The following DYNC1I1 variants were observed in gnomAD, a reference collection of about 807,000 sequenced individuals.
DYNC1I1 encodes the protein cytoplasmic dynein 1 intermediate chain 1.
DYNC1I1 carries 43 observed loss-of-function variants against 86.6 expected under a neutral mutation model. That is an observed-to-expected ratio of 0.50 (90% CI 0.39 to 0.64). DYNC1I1 has a LOEUF of 0.64. Among genes scored for constraint, DYNC1I1 ranks in the 30% least tolerant of loss-of-function variants. The pLI is 0.00. For synonymous variants in DYNC1I1, 262 were observed against 283.7 expected (o/e 0.92, Z 0.77); for missense variants, 604 against 788.8 (o/e 0.77, Z 2.81).
At chr7:95,924,401 T>C (rs1184651599) in intron 6 of DYNC1I1, among the ~76,000 whole-genome samples, 1 of 152,184 alleles carries the variant, frequency 6.6e-6, no homozygotes, top group Non-Finnish European at 1.5e-5. Flanking sequence ...ATGGAAAATA[T>C]GTCAATAATT....
chr7:96,043,865 A>T (rs189368759), intron 14 of DYNC1I1, among the ~76,000 whole-genome samples: 4 of 152,030 alleles, frequency 2.6e-5, no homozygotes, highest in Non-Finnish European at 5.9e-5. Context: ...GCCCGCCACT[A>T]CAACTGGCTA....
Position 95,824,001 on chromosome 7 carries a change from T to G in DYNC1I1, c.315-4056T>G, listed in dbSNP as rs1207031865. Among the ~76,000 whole-genome samples, 9 of 136,960 alleles carry G rather than the reference T, an allele frequency of 6.6e-5. No homozygotes were observed. The South Asian group carries it at 1.9e-3, about 29-fold the overall frequency. 89.9% of individuals were successfully genotyped at this position (136,960 alleles called of 152,430 possible). ...ATATGTTTTGGTTTTTTGTTTTTTT[T>G]TTTTTTTTTGAGGCAGGGTCTTACT... On this transcript the variant is annotated intron_variant, in intron 4 of 16. Transcript: ENST00000447467.
intron 5 of DYNC1I1, among the ~76,000 whole-genome samples, chr7:95,860,213 C>T (rs1360397225): frequency 1.3e-5 from 2 of 152,164 alleles, no homozygotes; most frequent in Non-Finnish European, 2.9e-5. Flanking sequence ...TCTCCTCATT[C>T]TCTCTCTATC....
At chr7:95,823,359 C>G (rs910188845) in intron 4 of DYNC1I1, among the ~76,000 whole-genome samples, 1 of 152,128 alleles carries the variant, frequency 6.6e-6, no homozygotes, top group African/African-American at 2.4e-5. Context: ...GGAGCAAACA[C>G]TAAGTGAAGG....
intron 6 of DYNC1I1, among the ~76,000 whole-genome samples, chr7:95,874,223 A>G (rs1790245487): frequency 6.6e-6 from 1 of 152,218 alleles, no homozygotes; most frequent in African/African-American, 2.4e-5. Context: ...GTTACAGCTG[A>G]CAGATTCCCA....
intron 7 of DYNC1I1, among the ~76,000 whole-genome samples, chr7:95,979,470 C>T (rs1793397215): frequency 6.6e-6 from 1 of 152,156 alleles, no homozygotes; most frequent in South Asian, 2.1e-4. Context: ...GTGCCTGGGT[C>T]TATAACTGGT....
chr7:95,925,276 AC>A (rs1276465017), intron 6 of DYNC1I1, among the ~76,000 whole-genome samples: 2 of 151,848 alleles, frequency 1.3e-5, no homozygotes, highest in Non-Finnish European at 2.9e-5. Flanking sequence ...GTGTCTAATC[AC>A]CCCCTTTCCA....
intron 14 of DYNC1I1, among the ~76,000 whole-genome samples, chr7:96,073,708 T>C (rs907663602): frequency 6.6e-6 from 1 of 152,178 alleles, no homozygotes; most frequent in African/African-American, 2.4e-5. Context: ...CCCTTTGACT[T>C]TGAGAAAAAT....
downstream of DYNC1I1, among the ~76,000 whole-genome samples, chr7:96,100,650 T>TTTGTGTGTGTGTGTGTG (rs376786905): frequency 1.4e-5 from 2 of 142,848 alleles, no homozygotes; most frequent in African/African-American, 2.6e-5. Context: ...TTTGAGGGTT[T>TTTGTGTGTGTGTGTGTG]TGTGTGTGTG....
intron 6 of DYNC1I1, among the ~76,000 whole-genome samples, chr7:95,909,377 A>G (rs1377878461): frequency 2.0e-5 from 3 of 152,070 alleles, no homozygotes; most frequent in Non-Finnish European, 4.4e-5. Context: ...TAAAACAAAA[A>G]TGTGTCCAGA....
At chr7:95,793,634 G>A (rs1209756808) in intron 1 of DYNC1I1, among the ~76,000 whole-genome samples, 1 of 152,166 alleles carries the variant, frequency 6.6e-6, no homozygotes, top group Non-Finnish European at 1.5e-5. Context: ...TGCACACAGA[G>A]TCTAAATGGC....
chr7:95,908,053 GT>G (rs983102150), intron 6 of DYNC1I1, among the ~76,000 whole-genome samples: 7 of 152,052 alleles, frequency 4.6e-5, no homozygotes, highest in Non-Finnish European at 1.0e-4. Context: ...ACAAAATAGT[GT>G]TTAGGTGTTG....
intron 2 of DYNC1I1, among the ~76,000 whole-genome samples, chr7:95,809,904 C>T (rs1163667836): frequency 6.6e-6 from 1 of 152,056 alleles, no homozygotes; most frequent in Admixed American, 6.6e-5. Context: ...CTTGTCTTAG[C>T]AATACAAATA....
intron 5 of DYNC1I1, among the ~76,000 whole-genome samples, chr7:95,857,559 G>T (rs1789758210): frequency 6.6e-6 from 1 of 152,104 alleles, no homozygotes; most frequent in East Asian, 1.9e-4. Flanking sequence ...AGACTCTAGG[G>T]TTCTCACTGT....
chr7:95,820,418 G>A (rs1795048455), intron 4 of DYNC1I1, among the ~76,000 whole-genome samples: 1 of 152,106 alleles, frequency 6.6e-6, no homozygotes, highest in South Asian at 2.1e-4. Context: ...TAGATATTTA[G>A]CGATGGCATT....
chr7:95,830,632 C>A (rs1795300334), intron 5 of DYNC1I1, among the ~76,000 whole-genome samples: 1 of 152,012 alleles, frequency 6.6e-6, no homozygotes, highest in Admixed American at 6.6e-5. Context: ...ACAATTTTTG[C>A]CCATTACAAA....
intron 6 of DYNC1I1, among the ~76,000 whole-genome samples, chr7:95,877,527 A>G (rs1280795589): frequency 1.3e-5 from 2 of 152,360 alleles, no homozygotes; most frequent in South Asian, 4.1e-4. Context: ...AGGCAAGTCA[A>G]AATCAGAGAG....
At chr7:95,928,599 G>A (rs1791807173) in intron 6 of DYNC1I1, among the ~76,000 whole-genome samples, 1 of 152,156 alleles carries the variant, frequency 6.6e-6, no homozygotes, top group Non-Finnish European at 1.5e-5. Context: ...CGCACTTAAT[G>A]TTCACCACGT....
At chr7:96,011,869 T>A (rs1241509840) in intron 10 of DYNC1I1, among the ~76,000 whole-genome samples, 2 of 152,202 alleles carry the variant, frequency 1.3e-5, no homozygotes, top group Non-Finnish European at 2.9e-5. Context: ...TTTCTGAAGC[T>A]ACGGTTAATT....
Sources: gnomAD v4.1 joint callset for allele counts (sites outside exome capture counted in the v4.1 genomes callset) on GRCh38, gnomAD v4.1.1 for gene constraint, MANE v1.5 for transcripts, NCBI Gene and HGNC (gene_info 2026-07-23, HGNC 2026-07-21) for gene names.